The following SCN7A variants were observed in gnomAD, a reference collection of about 807,000 sequenced individuals.
The protein encoded by SCN7A is sodium channel protein type 7 subunit alpha.
Under a neutral mutation model 155.2 loss-of-function variants are expected in SCN7A, and 138 were observed. That is an observed-to-expected ratio of 0.89 (90% CI 0.77 to 1.02). SCN7A has a LOEUF of 1.02. SCN7A is among the 50% of genes least tolerant of loss of function. The pLI is 0.00. For missense variants in SCN7A, 2,058 were observed against 1,986.6 expected (o/e 1.04, Z -0.68); for synonymous variants, 693 against 649.0 (o/e 1.07, Z -1.03).
chr2:166,471,363 T>C (rs1352817595), intron 6 of SCN7A, among the ~76,000 whole-genome samples: 1 of 151,842 alleles, frequency 6.6e-6, no homozygotes, highest in African/African-American at 2.4e-5. Context: ...TGAATTAATT[T>C]ATGTGAAGTA....
At position 166,493,953 on chromosome 2, in the gene SCN7A, GA is replaced by G; in HGVS notation, c.-128+14del. ...ATTCTGGGACTGGACACAGCAGCAA[GA>G]AAAAGGCACTTACTTGCTACGAAGC... On this transcript the variant is annotated intron_variant, in intron 1 of 25. Coordinates refer to ENST00000643258, the MANE Select transcript of SCN7A (RefSeq NM_002976.4). 1 of 152,548 alleles carries G rather than the reference GA, an allele frequency of 6.6e-6. No homozygotes were observed. The highest frequency in any genetic ancestry group is 1.5e-5 in the Non-Finnish European group (1 of 68,234). The allele number at this position is 152,548 out of a possible 1,614,324, so 9.4% of individuals were successfully genotyped here.
At chr2:166,436,308 C>T (rs534360735) in intron 15 of SCN7A, 7 of 348,774 alleles carry the variant, frequency 2.0e-5, no homozygotes, top group African/African-American at 1.3e-4. Flanking sequence ...TGAGTTAATT[C>T]TCACAAGATC....
intron 1 of SCN7A, among the ~76,000 whole-genome samples, 168 bp downstream of exon 1, chr2:166,493,800 A>T (rs975420859): frequency 6.6e-6 from 1 of 152,230 alleles, no homozygotes; most frequent in Admixed American, 6.5e-5. Context: ...ATACTCTTGA[A>T]GTAACTCTCC....
At chr2:166,485,881 GAATTCT>G (rs1703035603) in intron 2 of SCN7A, among the ~76,000 whole-genome samples, 1 of 152,150 alleles carries the variant, frequency 6.6e-6, no homozygotes, top group Non-Finnish European at 1.5e-5. Flanking sequence ...GATTGTCCTG[GAATTCT>G]ATTTCTAGTG....
chr2:166,423,310 AAAACCAT>A lies in SCN7A; in HGVS notation c.2969_2975del (p.Tyr990LeufsTer24). 1 of 1,612,440 alleles carries A rather than the reference AAAACCAT, an allele frequency of 6.2e-7. No homozygotes were observed. The highest frequency in any genetic ancestry group is 8.5e-7 in the Non-Finnish European group (1 of 1,179,142). ...ACCAGCCATTAGAGAAATAGGCCTT[AAAACCAT>A]ATGCCATCCATTTTAGAAGCATTTC... On this transcript the variant is annotated frameshift_variant, in exon 19 of 26. Coordinates refer to ENST00000643258, the MANE Select transcript of SCN7A (RefSeq NM_002976.4). LOFTEE classifies it high-confidence loss of function.
rs1701048037 is a variant in SCN7A, at chr2:166,405,511, T to A, written c.*69A>T. 1.7e-6 allele frequency: 2 copies of A among 1,170,588 alleles called. No homozygotes were observed. Among genetic ancestry groups the A allele is most frequent in the Admixed American group, 4.8e-5 (2 of 41,596 alleles). 72.5% of individuals were successfully genotyped at this position (1,170,588 alleles called of 1,614,324 possible). A position where few individuals can be genotyped will look rare whatever the true frequency, so the allele number is the denominator to read the frequency against. On this transcript the variant is annotated 3_prime_UTR_variant, in exon 26 of 26. Coordinates refer to ENST00000643258, the MANE Select transcript of SCN7A (RefSeq NM_002976.4). ...CTGATTATTATCTCTACTTTTCTTT[T>A]ATTCCTGGCTTAGGCTTTCAACATT...
intron 19 of SCN7A, among the ~76,000 whole-genome samples, chr2:166,422,624 A>G (rs1479024182): frequency 6.6e-6 from 1 of 152,136 alleles, no homozygotes; most frequent in Non-Finnish European, 1.5e-5. Flanking sequence ...ATAGACCTGG[A>G]CAGGGGGAAG....
Position 166,472,324 on chromosome 2 carries a change from C to G in SCN7A, c.565G>C (p.Val189Leu), listed in dbSNP as rs753848597. 6.2e-7 allele frequency: 1 copy of G among 1,602,862 alleles called. No homozygotes were observed. Among genetic ancestry groups the G allele is most frequent in the Non-Finnish European group, 8.5e-7 (1 of 1,174,802 alleles). The change falls in exon 6 of 26, where the codon GTG becomes CTG. Residue 189 changes from valine to leucine, a missense_variant. Physicochemically the swap from Val to Leu is conservative, Grantham distance 32. Transcript: ENST00000643258. ...ATTTAAAGAAATACTCACTCAAACA[C>G]AGTTACGCTGAAATCGAGCCAGTTC... ...PWNWLDFSVT[V>L]FEVIIRYSPL...
chr2:166,413,715 G>A (rs1311076350), intron 21 of SCN7A, among the ~76,000 whole-genome samples: 2 of 151,594 alleles, frequency 1.3e-5, no homozygotes, highest in African/African-American at 2.4e-5. Context: ...TAATCTGGTG[G>A]ACACAATCTA....
intron 21 of SCN7A, among the ~76,000 whole-genome samples, chr2:166,414,104 TATATATAAATATATATAATATATTA>T (rs2105371716): frequency 1.2e-5 from 1 of 82,956 alleles, no homozygotes; most frequent in African/African-American, 5.5e-5. Context: ...TATAATATAT[TATATATAAATATATATAATATATTA>T]TATATATGTA....
chr2:166,477,625 A>G lies in SCN7A; in HGVS notation c.72T>C (p.His24=). The change falls in exon 3 of 26, where the codon CAT becomes CAC. Residue 24 remains histidine, a synonymous_variant. Coordinates refer to ENST00000643258, the MANE Select transcript of SCN7A (RefSeq NM_002976.4). ...TKESFELIKQ[H]IAKTHNEDHE... ...GGTCTTCATTATGTGTTTTAGCAAT[A>G]TGCTGTTTTATAAGTTCAAAAGACT... 1 of 1,605,412 alleles carries G rather than the reference A, an allele frequency of 6.2e-7. No individual in the cohort carries two copies. Among genetic ancestry groups the G allele is most frequent in the Non-Finnish European group, 8.5e-7 (1 of 1,175,174 alleles).
intron 11 of SCN7A, among the ~76,000 whole-genome samples, chr2:166,448,068 A>G (rs760488986): frequency 5.3e-5 from 8 of 152,084 alleles, no homozygotes; most frequent in Non-Finnish European, 1.0e-4. Flanking sequence ...CTTCTATTTA[A>G]CCATATTTTT....
chr2:166,438,088 C>T (rs961422413), intron 15 of SCN7A, among the ~76,000 whole-genome samples: 6 of 152,142 alleles, frequency 3.9e-5, no homozygotes, highest in African/African-American at 1.2e-4. Flanking sequence ...GGCTGTGTCT[C>T]CACCCAAATC....
chr2:166,456,815 T>TAGATAGATAG (rs1470356253), intron 11 of SCN7A, 55 bp downstream of exon 11: 2 of 453,356 alleles, frequency 4.4e-6, no homozygotes, highest in South Asian at 3.7e-5. Flanking sequence ...TATATATATA[T>TAGATAGATAG]ATATATATAT....
Position 166,405,654 on chromosome 2 carries a change from C to T in SCN7A, c.4975G>A (p.Asp1659Asn), listed in dbSNP as rs1372010616. 6.2e-7 allele frequency: 1 copy of T among 1,612,670 alleles called. No individual in the cohort carries two copies. The highest frequency in any genetic ancestry group is 1.7e-5 in the Admixed American group (1 of 59,890). Reference sequence around the variant, plus strand: ...GCACCTTCTTTAGTAGCATGAACATCTCTGTCACCATCTATCATATGAATA... The same window carrying T: ...GCACCTTCTTTAGTAGCATGAACATTTCTGTCACCATCTATCATATGAATA... ...SDIHMIDGDR[D>N]VHATKEGAYF... Residue 1659 changes from aspartate to asparagine, a missense_variant, in exon 26 of 26, where the codon GAT becomes AAT. Asp to Asn is a conservative substitution (Grantham distance 23). Coordinates refer to ENST00000643258, the MANE Select transcript of SCN7A (RefSeq NM_002976.4).
intron 16 of SCN7A, among the ~76,000 whole-genome samples, chr2:166,429,796 A>G (rs575591433): frequency 6.6e-6 from 1 of 152,124 alleles, no homozygotes; most frequent in Non-Finnish European, 1.5e-5. Flanking sequence ...AGGCACAAGA[A>G]ATAGGGACAA....
intron 7 of SCN7A, among the ~76,000 whole-genome samples, chr2:166,468,104 A>C (rs1379137291): frequency 1.3e-5 from 2 of 152,064 alleles, no homozygotes; most frequent in Non-Finnish European, 2.9e-5. Context: ...TAAGGTGAGA[A>C]AATAACTGTA....
At chr2:166,444,588 T>G (rs1702022573) in intron 13 of SCN7A, among the ~76,000 whole-genome samples, 174 bp downstream of exon 13, 1 of 152,222 alleles carries the variant, frequency 6.6e-6, no homozygotes, top group African/African-American at 2.4e-5. Flanking sequence ...TAAGAACATT[T>G]AGAAAGCAGG....
At chr2:166,470,746 A>G (rs1192758133) in intron 6 of SCN7A, 40 bp from the exon 7 acceptor site, 1 of 1,531,332 alleles carries the variant, frequency 6.5e-7, no homozygotes, top group African/African-American at 1.4e-5. Flanking sequence ...GTCATATTAC[A>G]TCTGTGCTAC....
Sources: gnomAD v4.1 joint callset for allele counts (sites outside exome capture counted in the v4.1 genomes callset) on GRCh38, gnomAD v4.1.1 for gene constraint, MANE v1.5 for transcripts, NCBI Gene and HGNC (gene_info 2026-07-23, HGNC 2026-07-21) for gene names.